Variants in CTCF observed in about 807,000 individuals in gnomAD.
The protein encoded by CTCF is CCCTC-binding factor, also known as transcriptional repressor CTCF.
CTCF carries 7 observed loss-of-function variants against 72.3 expected under a neutral mutation model. The ratio of observed to expected loss-of-function variants is 0.10; its 90% CI spans 0.06 to 0.18. CTCF has a LOEUF of 0.18. Among genes scored for constraint, CTCF ranks in the 10% least tolerant of loss-of-function variants. CTCF has a pLI of 1.00. For missense variants in CTCF, 516 were observed against 949.1 expected, an observed-to-expected ratio of 0.54 and a Z score of 6.00; for synonymous variants, 374 against 315.8, an observed-to-expected ratio of 1.18 and a Z score of -1.95.
chr16:67,592,808 C>G (rs1273130567), intron 2 of CTCF, among the ~76,000 whole-genome samples: 1 of 152,010 alleles, frequency 6.6e-6, no homozygotes, highest in Non-Finnish European at 1.5e-5. Flanking sequence ...GGGTGGATCA[C>G]TTGAGCTCAG....
At chr16:67,567,716 A>G (rs1281646170) in intron 1 of CTCF, among the ~76,000 whole-genome samples, 1 of 151,316 alleles carries the variant, frequency 6.6e-6, no homozygotes, top group Admixed American at 6.6e-5. Context: ...GCAGCCTCCC[A>G]AGTAGCTGGT....
chr16:67,565,032 G>A (rs943426719), intron 1 of CTCF, among the ~76,000 whole-genome samples: 2 of 150,790 alleles, frequency 1.3e-5, no homozygotes, highest in Non-Finnish European at 2.9e-5. Flanking sequence ...ACGGAGTCTC[G>A]TTCTGTCCCC....
intron 2 of CTCF, among the ~76,000 whole-genome samples, chr16:67,598,541 TAATC>T (rs1368691437): frequency 1.3e-5 from 2 of 152,150 alleles, no homozygotes; most frequent in East Asian, 1.9e-4. Context: ...GGCAACAAAT[TAATC>T]AAGCTGTAGC....
Position 67,578,325 on chromosome 16 carries a change from CTTTTTTTTT to C in CTCF, c.-10+7078_-10+7086del, listed in dbSNP as rs944395345. Among the ~76,000 whole-genome samples, 15 of 84,486 alleles carry C rather than the reference CTTTTTTTTT, an allele frequency of 1.8e-4. No individual in the cohort carries two copies. The South Asian group carries it at 5.8e-3, about 33-fold the overall frequency. 55.4% of individuals were successfully genotyped at this position (84,486 alleles called of 152,430 possible). A position where few individuals can be genotyped will look rare whatever the true frequency, so the allele number is the denominator to read the frequency against. On this transcript the variant is annotated intron_variant, in intron 2 of 11. Transcript: ENST00000264010. ...TATTCAAATGTATGAGTTTATGTAT[CTTTTTTTTT>C]TTTTTTTTTTTTTTTTGAGACAGGG...
rs1445404850 is a variant in CTCF, at chr16:67,629,640, T to TCCTTTCTTTA, written c.1837+108_1837+117dup. On this transcript the variant is annotated intron_variant, in intron 10 of 11. Transcript: ENST00000264010. ...GGATATAGAGGCGGGCACACACTCT[T>TCCTTTCTTTA]CCTTTCTTTAAACTTCTCATCTCCT... 8 of 1,107,074 alleles carry TCCTTTCTTTA rather than the reference T, an allele frequency of 7.2e-6. 1 individual carries two copies. In the East Asian group the frequency reaches 2.1e-4, roughly 30 times the overall value. The allele number at this position is 1,107,074 out of a possible 1,614,324, so 68.6% of individuals were successfully genotyped here.
intron 7 of CTCF, among the ~76,000 whole-genome samples, chr16:67,624,658 T>C (rs2052259019): frequency 6.6e-6 from 1 of 151,950 alleles, no homozygotes; most frequent in African/African-American, 2.4e-5. Context: ...GGTGGCTCAG[T>C]CTTGGCTCAC....
chr16:67,585,644 CACT>C (rs1392384506), intron 2 of CTCF, among the ~76,000 whole-genome samples: 1 of 152,056 alleles, frequency 6.6e-6, no homozygotes, highest in Non-Finnish European at 1.5e-5. Flanking sequence ...TTTTTCCAAC[CACT>C]ACTTTTTGTT....
intron 7 of CTCF, 147 bp downstream of exon 7, chr16:67,621,738 T>A: frequency 3.9e-6 from 2 of 514,404 alleles, no homozygotes; most frequent in Non-Finnish European, 6.7e-6. Flanking sequence ...TAAAAGCCAT[T>A]GCTTAGCTGC....
intron 2 of CTCF, among the ~76,000 whole-genome samples, chr16:67,574,177 A>G (rs1481571094): frequency 1.3e-5 from 2 of 152,066 alleles, no homozygotes; most frequent in Non-Finnish European, 1.5e-5. Context: ...CCATAAGACC[A>G]CCTGTCCTTC....
intron 2 of CTCF, among the ~76,000 whole-genome samples, chr16:67,575,516 C>T (rs573279865): frequency 1.3e-5 from 2 of 152,186 alleles, no homozygotes; most frequent in East Asian, 1.9e-4. Context: ...GCAATCTCGG[C>T]TCACTGCAGC....
intron 10 of CTCF, among the ~76,000 whole-genome samples, chr16:67,633,120 T>C (rs1382589640): frequency 6.6e-6 from 1 of 152,252 alleles, no homozygotes; most frequent in Non-Finnish European, 1.5e-5. Flanking sequence ...AACACCCTCA[T>C]TCAATGAAGT....
intron 4 of CTCF, among the ~76,000 whole-genome samples, chr16:67,613,929 A>C (rs2052095173): frequency 6.6e-6 from 1 of 152,228 alleles, no homozygotes. Flanking sequence ...AGACTGATTC[A>C]TACCAACAAA....
chr16:67,577,429 A>T (rs901484222), intron 2 of CTCF, among the ~76,000 whole-genome samples: 1 of 146,808 alleles, frequency 6.8e-6, no homozygotes, highest in Admixed American at 6.7e-5. Context: ...AGTAATGTCT[A>T]GACTTCTTTT....
intron 2 of CTCF, among the ~76,000 whole-genome samples, chr16:67,601,217 G>GGTGTGTGTGT (rs59655549): frequency 3.3e-4 from 42 of 128,400 alleles, no homozygotes; most frequent in African/African-American, 8.7e-4. Context: ...TGCACTAAGG[G>GGTGTGTGTGT]GTGTGTGTGT....
chr16:67,574,251 C>T (rs1445166930), intron 2 of CTCF, among the ~76,000 whole-genome samples: 4 of 152,318 alleles, frequency 2.6e-5, no homozygotes, highest in East Asian at 3.9e-4. Flanking sequence ...GAGTTTCCCA[C>T]GACCTCTTTC....
intron 2 of CTCF, among the ~76,000 whole-genome samples, chr16:67,601,949 C>T (rs916809597): frequency 1.3e-5 from 2 of 151,452 alleles, no homozygotes; most frequent in African/African-American, 2.4e-5. Flanking sequence ...CTGCAGCCTC[C>T]GCCTCCAGGG....
chr16:67,624,071 ATGTGTGTGTGTGTGTGTGTGTGTG>A (rs58387336), intron 7 of CTCF, among the ~76,000 whole-genome samples: 23 of 117,586 alleles, frequency 2.0e-4, no homozygotes, highest in Admixed American at 3.9e-4. Context: ...AAAATTATAT[ATGTGTGTGTGTGTGTGTGTGTGTG>A]TGTGTGTGTG....
In CTCF at chr16:67,626,546, T is replaced by C; in HGVS notation, c.1358-9T>C. On this transcript the variant is annotated splice_polypyrimidine_tract_variant and intron_variant, in intron 7 of 11. Transcript: ENST00000264010. Reference sequence around the variant, plus strand: ...TCACATTACCCTGGGCTTTTTACTGTGCTTTCAGGTGTCCACTTGCGAAAG... The same window carrying C: ...TCACATTACCCTGGGCTTTTTACTGCGCTTTCAGGTGTCCACTTGCGAAAG... 1 of 1,449,602 alleles carries C rather than the reference T, an allele frequency of 6.9e-7. No homozygotes were observed. The highest frequency in any genetic ancestry group is 1.4e-5 in the African/African-American group (1 of 69,668). The allele number at this position is 1,449,602 out of a possible 1,614,324, so 89.8% of individuals were successfully genotyped here.
intron 2 of CTCF, among the ~76,000 whole-genome samples, chr16:67,578,804 T>TG (rs2051539376): frequency 7.0e-6 from 1 of 142,320 alleles, no homozygotes; most frequent in African/African-American, 2.6e-5. Context: ...AAAAATTAGC[T>TG]GGGCGTGGTG....
Sources: gnomAD v4.1 joint callset for allele counts (sites outside exome capture counted in the v4.1 genomes callset) on GRCh38, gnomAD v4.1.1 for gene constraint, MANE v1.5 for transcripts, NCBI Gene and HGNC (gene_info 2026-07-23, HGNC 2026-07-21) for gene names.